NAV2: variants seen among roughly 807,000 people sequenced by gnomAD.
NAV2 encodes helicase, APC down-regulated 1.
In NAV2, 54 loss-of-function variants were observed where a neutral mutation model predicts 223.2. The observed-to-expected ratio is 0.24, with a 90% CI of 0.19 to 0.30. The LOEUF is 0.30. NAV2 is among the 10% of genes least tolerant of loss of function. The pLI is 1.00. For missense variants in NAV2, 2,806 were observed against 3,147.5 expected (o/e 0.89, Z 2.60); for synonymous variants, 1,279 against 1,239.3 (o/e 1.03, Z -0.67).
intron 1 of NAV2, among the ~76,000 whole-genome samples, chr11:19,521,207 T>C (rs2043644082): frequency 6.6e-6 from 1 of 152,110 alleles, no homozygotes; most frequent in Non-Finnish European, 1.5e-5. Context: ...TGGTTGCCAC[T>C]GGGTTTAGAA....
At chr11:19,880,403 G>A (rs1004141808) in intron 5 of NAV2, among the ~76,000 whole-genome samples, 6 of 152,174 alleles carry the variant, frequency 3.9e-5, no homozygotes, top group African/African-American at 9.7e-5. Context: ...ACACATGCTC[G>A]TAGACAATAA....
chr11:19,795,541 C>CA (rs1373715207), intron 1 of NAV2, among the ~76,000 whole-genome samples: 1 of 152,190 alleles, frequency 6.6e-6, no homozygotes, highest in Non-Finnish European at 1.5e-5. Flanking sequence ...CACCAGTGTA[C>CA]AGTCTGAAAT....
chr11:19,453,060 C>T lies in NAV2; in HGVS notation c.75+102033C>T, dbSNP rs577503077. On this transcript the variant is annotated intron_variant, in intron 1 of 37. Transcript: ENST00000360655. ...CCCAAAATCACATGGCTGGTAAGTGCGAGTTAGGGTTTGAACCCAGGCAAT... is the reference window on the plus strand; with the variant it reads ...CCCAAAATCACATGGCTGGTAAGTGTGAGTTAGGGTTTGAACCCAGGCAAT... Among the ~76,000 whole-genome samples, 17 of 152,240 alleles carry T rather than the reference C, an allele frequency of 1.1e-4. No homozygotes were observed. In the East Asian group the frequency reaches 2.5e-3, roughly 22 times the overall value.
At position 19,490,884 on chromosome 11, in the gene NAV2, G is replaced by C. The variant is rs145602441; in HGVS notation, c.75+139857G>C. Among the ~76,000 whole-genome samples the C allele has an allele frequency of 6.6e-5, 10 of 152,300 alleles. No individual in the cohort carries two copies. The East Asian group carries it at 1.7e-3, about 26-fold the overall frequency. On this transcript the variant is annotated intron_variant, in intron 1 of 37. Transcript: ENST00000360655. ...ATTTTTGAAATAATAAGGCTTCAAA[G>C]TTGTAATTATTCCTTGATCCCTGGG...
At chr11:19,950,803 A>G (rs1266394778) in intron 10 of NAV2, among the ~76,000 whole-genome samples, 1 of 152,270 alleles carries the variant, frequency 6.6e-6, no homozygotes, top group African/African-American at 2.4e-5. Context: ...AGAAGCCTTC[A>G]GAATGAATAC....
intron 1 of NAV2, chr11:19,401,992 A>C (rs963722500): frequency 6.6e-6 from 1 of 152,220 alleles, no homozygotes; most frequent in Non-Finnish European, 1.5e-5. Context: ...ATGCATGCAC[A>C]CAAATTTCTT....
intron 16 of NAV2, 109 bp from the exon 17 acceptor site, chr11:20,051,180 G>C (rs1220220698): frequency 1.2e-6 from 1 of 862,296 alleles, no homozygotes; most frequent in East Asian, 2.4e-5. Flanking sequence ...ACTTCCTGGT[G>C]ATGTGCACCT....
At chr11:20,048,160 A>C (rs932085484) in intron 14 of NAV2, among the ~76,000 whole-genome samples, 3 of 152,208 alleles carry the variant, frequency 2.0e-5, no homozygotes, top group Admixed American at 6.5e-5. Flanking sequence ...TGGCTTCAAA[A>C]GATACATCTT....
chr11:19,397,418 T>TGTGTGC (rs57566081), intron 1 of NAV2, among the ~76,000 whole-genome samples: 15 of 145,352 alleles, frequency 1.0e-4, no homozygotes, highest in African/African-American at 3.1e-4. Context: ...TGTGTGTGTG[T>TGTGTGC]GCGCGCATGT....
chr11:19,444,782 A>G (rs2702651), intron 1 of NAV2, among the ~76,000 whole-genome samples: 101,079 of 151,460 alleles, frequency 0.67, 34,083 homozygotes, highest in East Asian at 0.82. Context: ...ATCTCCCCTG[A>G]GAGGTCGTTT....
intron 1 of NAV2, among the ~76,000 whole-genome samples, chr11:19,592,580 G>C (rs1237639175): frequency 6.6e-6 from 1 of 152,128 alleles, no homozygotes; most frequent in Non-Finnish European, 1.5e-5. Context: ...GGAAGTCCAT[G>C]AACTTGGGCT....
intron 36 of NAV2, among the ~76,000 whole-genome samples, chr11:20,109,481 G>A (rs564310646): frequency 3.3e-5 from 5 of 152,274 alleles, no homozygotes; most frequent in African/African-American, 1.2e-4. Context: ...TAATCAAATG[G>A]TTTTGTTAAG....
chr11:19,543,367 A>G (rs893676493), intron 1 of NAV2, among the ~76,000 whole-genome samples: 2 of 152,178 alleles, frequency 1.3e-5, no homozygotes, highest in Non-Finnish European at 2.9e-5. Flanking sequence ...ACTGCCGATG[A>G]TGCATGCTGT....
intron 1 of NAV2, among the ~76,000 whole-genome samples, chr11:19,620,950 A>T (rs1590702543): frequency 6.6e-6 from 1 of 152,260 alleles, no homozygotes; most frequent in South Asian, 2.1e-4. Flanking sequence ...TACCTAATTT[A>T]TTGAGAGTTT....
At chr11:19,604,470 G>A (rs2046432236) in intron 1 of NAV2, among the ~76,000 whole-genome samples, 1 of 152,172 alleles carries the variant, frequency 6.6e-6, no homozygotes, top group Non-Finnish European at 1.5e-5. Flanking sequence ...TGTCATTTAT[G>A]GGGTTGGGGA....
At chr11:20,087,510 G>A (rs1244628499) in intron 26 of NAV2, among the ~76,000 whole-genome samples, 1 of 152,150 alleles carries the variant, frequency 6.6e-6, no homozygotes, top group Non-Finnish European at 1.5e-5. Context: ...TCCCCAATCC[G>A]TGGGCAAAAG....
chr11:19,977,798 CTTTTTTTTTTTTTT>C (rs1221334182), intron 10 of NAV2, among the ~76,000 whole-genome samples: 2 of 90,784 alleles, frequency 2.2e-5, no homozygotes, highest in Non-Finnish European at 4.4e-5. Flanking sequence ...CAACTTTTTT[CTTTTTTTTTTTTTT>C]TTTTTTTTTG....
chr11:19,756,158 A>G (rs2054215073), intron 1 of NAV2, among the ~76,000 whole-genome samples: 1 of 152,182 alleles, frequency 6.6e-6, no homozygotes, highest in Admixed American at 6.5e-5. Context: ...TGGGCAAGGA[A>G]TGAATCTGTG....
chr11:19,658,860 G>A (rs1011798073), intron 1 of NAV2, among the ~76,000 whole-genome samples: 2 of 152,164 alleles, frequency 1.3e-5, no homozygotes, highest in East Asian at 3.8e-4. Flanking sequence ...GATTTAAGCT[G>A]ACATTTAGAA....
Sources: allele counts gnomAD v4.1 joint callset (sites outside exome capture counted in the v4.1 genomes callset), GRCh38; gene constraint gnomAD v4.1.1; transcripts MANE v1.5; gene names NCBI Gene and HGNC (gene_info 2026-07-23, HGNC 2026-07-21).